CLIP1: variants seen among roughly 807,000 people sequenced by gnomAD.
CLIP1 encodes the protein CAP-Gly domain containing linker protein 1.
A neutral mutation model predicts 161.6 loss-of-function variants in CLIP1; 66 were observed. The observed-to-expected ratio is 0.41, with a 90% CI of 0.33 to 0.50. The LOEUF (loss-of-function observed/expected upper bound fraction) is 0.50. CLIP1 is among the 20% of genes least tolerant of loss of function. CLIP1 has a pLI of 0.27. For synonymous variants in CLIP1, 598 were observed against 626.2 expected, an observed-to-expected ratio of 0.96 and a Z score of 0.67; for missense variants, 1,376 against 1,702.0, an observed-to-expected ratio of 0.81 and a Z score of 3.37.
At chr12:122,378,454 C>T (rs1304607440) in intron 2 of CLIP1, among the ~76,000 whole-genome samples, 2 of 152,194 alleles carry the variant, frequency 1.3e-5, no homozygotes, top group African/African-American at 4.8e-5. Flanking sequence ...TGATCCTTCA[C>T]TACCATCTTC....
At chr12:122,305,663 G>A (rs1279259461) in intron 20 of CLIP1, among the ~76,000 whole-genome samples, 1 of 152,156 alleles carries the variant, frequency 6.6e-6, no homozygotes, top group Non-Finnish European at 1.5e-5. Context: ...GTATGTCTGT[G>A]AGGGTGTTGC....
intron 21 of CLIP1, 57 bp downstream of exon 21, chr12:122,288,432 T>C (rs1468618565): frequency 1.4e-6 from 2 of 1,446,382 alleles, no homozygotes; most frequent in South Asian, 1.2e-5. Flanking sequence ...ACCACACATA[T>C]CATGTTCTGA....
chr12:122,310,404 T>C (rs1951020915), intron 19 of CLIP1, among the ~76,000 whole-genome samples: 1 of 152,250 alleles, frequency 6.6e-6, no homozygotes, highest in South Asian at 2.1e-4. Flanking sequence ...AGTATATTTT[T>C]AGGACAACTA....
chr12:122,336,071 A>G (rs1184830712), intron 12 of CLIP1, among the ~76,000 whole-genome samples: 2 of 152,244 alleles, frequency 1.3e-5, no homozygotes, highest in Non-Finnish European at 2.9e-5. Context: ...AGTTGAGAAA[A>G]GGTAAAAAAT....
At chr12:122,394,053 GTC>G (rs1219211012) in intron 1 of CLIP1, among the ~76,000 whole-genome samples, 1 of 152,144 alleles carries the variant, frequency 6.6e-6, no homozygotes, top group East Asian at 1.9e-4. Flanking sequence ...AGGATGTGAT[GTC>G]TCTCTGACAC....
Position 122,362,639 on chromosome 12 carries a change from C to CAA in CLIP1, c.782+1342_782+1343dup, listed in dbSNP as rs56183812. Among the ~76,000 whole-genome samples the CAA allele has an allele frequency of 8.4e-4, 16 of 19,132 alleles. 2 individuals carry two copies. The highest frequency in any genetic ancestry group is 4.2e-3 in the African/African-American group (16 of 3,848). 12.6% of individuals were successfully genotyped at this position (19,132 alleles called of 152,430 possible). A position where few individuals can be genotyped will look rare whatever the true frequency, so the allele number is the denominator to read the frequency against. On this transcript the variant is annotated intron_variant, in intron 4 of 25. Transcript: ENST00000620786. Reference sequence around the variant, plus strand: ...CTGGCAACAGAGCAAGACTCCATCTCAAAAAAAAAAAAAAAAAAAAAAAAA... The same window carrying CAA: ...CTGGCAACAGAGCAAGACTCCATCTCAAAAAAAAAAAAAAAAAAAAAAAAAAA...
intron 17 of CLIP1, among the ~76,000 whole-genome samples, chr12:122,320,169 G>A (rs1307441282): frequency 6.6e-6 from 1 of 151,814 alleles, no homozygotes; most frequent in Non-Finnish European, 1.5e-5. Flanking sequence ...TTGGGAGGTG[G>A]GGCAGGAGAA....
rs779621726 is a variant in CLIP1 at position 122,336,714 on chromosome 12, T to A, written c.2486A>T (p.Glu829Val). The A allele has an allele frequency of 6.2e-7, 1 of 1,609,844 alleles. No homozygotes were observed. Among genetic ancestry groups the A allele is most frequent in the Non-Finnish European group, 8.5e-7 (1 of 1,177,162 alleles). ...SSITRELQGR[E>V]LKLTNLQENL... ...TTCCTGAAGGTTAGTAAGCTTTAGC[T>A]CTCTCCCCTGGAGCTCTCTGGTAAT... The change falls in exon 12 of 26, where the codon GAG (glutamate) becomes GTG (valine). Residue 829 changes from glutamate (E) to valine (V), a missense_variant. Glu to Val is a moderately radical substitution (Grantham distance 121). Around this residue, in one of 6 missense-constraint regions of CLIP1, gnomAD observed 948 missense variants for 1,134.8 expected, o/e 0.84. Transcript: ENST00000620786.
chr12:122,340,164 G>A (rs1005105165), intron 11 of CLIP1, among the ~76,000 whole-genome samples: 11 of 150,394 alleles, frequency 7.3e-5, no homozygotes, highest in Admixed American at 3.3e-4. Context: ...TGCAACCTCC[G>A]CCTCCCGGGT....
At chr12:122,422,131 G>A (rs1225546074) in intron 1 of CLIP1, among the ~76,000 whole-genome samples, 1 of 152,108 alleles carries the variant, frequency 6.6e-6, no homozygotes, top group Admixed American at 6.5e-5. Flanking sequence ...TCGGCCTCCC[G>A]GGGTCCGGCC....
rs937422446 is a variant in CLIP1, at chr12:122,377,426, T to G, written c.620A>C (p.Lys207Thr). Residue 207 changes from lysine to threonine, a missense_variant, in exon 3 of 26, where the codon AAA (lysine) becomes ACA (threonine). By Grantham distance (78) the Lys-to-Thr change is moderately conservative. Transcript: ENST00000620786. ...TCCGATTTTGAGCTCTCTTTCTCCTTTCTTGATTGAGCCAGCCTCTGAAAG... is the reference window on the plus strand; with the variant it reads ...TCCGATTTTGAGCTCTCTTTCTCCTGTCTTGATTGAGCCAGCCTCTGAAAG... The part of the protein sequence containing the change: ...SNLSEAGSIK[K>T]GERELKIGDR... 6.2e-7 allele frequency: 1 copy of G among 1,614,072 alleles called. No homozygotes were observed. Among genetic ancestry groups the G allele is most frequent in the African/African-American group, 1.3e-5 (1 of 75,022 alleles).
At chr12:122,408,986 ATTTT>A (rs1956429668) in intron 1 of CLIP1, among the ~76,000 whole-genome samples, 1 of 150,914 alleles carries the variant, frequency 6.6e-6, no homozygotes, top group South Asian at 2.1e-4. Context: ...TAATCTTTAT[ATTTT>A]TGTAGAGACA....
At chr12:122,294,164 T>A (rs1331903861) in intron 20 of CLIP1, among the ~76,000 whole-genome samples, 2 of 150,338 alleles carry the variant, frequency 1.3e-5, no homozygotes, top group Non-Finnish European at 3.0e-5. Context: ...CTGTCTCTAC[T>A]AAAAATACAA....
chr12:122,355,448 A>C lies in CLIP1; in HGVS notation c.1006-136T>G. On this transcript the variant is annotated intron_variant, in intron 5 of 25. Coordinates refer to ENST00000620786, the MANE Select transcript of CLIP1 (RefSeq NM_001247997.2). This position sits in a 1 kb window ranked among gnomAD's most constrained non-coding sequence, Gnocchi z 4.1. Reference sequence around the variant, plus strand: ...GCTGGCAGGCTGGCCAGGATTAGGAAAGGCTTCCTCAAAAACACAAGACAG... The same window carrying C: ...GCTGGCAGGCTGGCCAGGATTAGGACAGGCTTCCTCAAAAACACAAGACAG... The C allele has an allele frequency of 1.5e-6, 1 of 685,626 alleles. No homozygotes were observed. The highest frequency in any genetic ancestry group is 2.7e-5 in the East Asian group (1 of 36,970). The allele number at this position is 685,626 out of a possible 1,614,324, so 42.5% of individuals were successfully genotyped here.
intron 1 of CLIP1, among the ~76,000 whole-genome samples, chr12:122,411,818 A>G (rs1956544207): frequency 6.6e-6 from 1 of 152,140 alleles, no homozygotes; most frequent in Non-Finnish European, 1.5e-5. Context: ...TCTTCTGGGG[A>G]TGACAAAAAT....
chr12:122,403,869 A>G (rs1292056884), intron 1 of CLIP1, among the ~76,000 whole-genome samples: 1 of 152,102 alleles, frequency 6.6e-6, no homozygotes, highest in Non-Finnish European at 1.5e-5. Context: ...GAAACTTGTT[A>G]GTCTTCCGAA....
intron 20 of CLIP1, among the ~76,000 whole-genome samples, chr12:122,295,865 T>C (rs1041201301): frequency 2.0e-5 from 3 of 152,236 alleles, no homozygotes; most frequent in African/African-American, 4.8e-5. Context: ...TCTCTGTCTC[T>C]AGTAACAATT....
In CLIP1 at chr12:122,380,386, G is replaced by A. The variant is rs760191399; in HGVS notation, c.67C>T (p.Leu23=). The A allele has an allele frequency of 6.2e-7, 1 of 1,613,656 alleles. No individual in the cohort carries two copies. Among genetic ancestry groups the A allele is most frequent in the Non-Finnish European group, 8.5e-7 (1 of 1,179,686 alleles). ...TKILKPGSTA[L]KTPTAVVAPV... is the part of the protein sequence containing the mutation. ...GTATTACCAGCCGTAGGTGTCTTCA[G>A]AGCTGTGCTTCCAGGCTTCAGGATC... Residue 23 remains leucine (L), a synonymous_variant, in exon 2 of 26, where the codon CTG becomes TTG. Coordinates refer to ENST00000620786, the MANE Select transcript of CLIP1 (RefSeq NM_001247997.2).
rs916101283 is a variant in CLIP1, at chr12:122,311,799, A to G, written c.3474-1917T>C. 7.9e-5 allele frequency among the ~76,000 whole-genome samples: 12 copies of G among 152,206 alleles called. No individual in the cohort carries two copies. The highest frequency in any genetic ancestry group is 2.9e-4 in the African/African-American group (12 of 41,434). ...TAATCCTCAAAGCCCAAGGAGGCTC[A>G]TGTCATTTATGTTTTAATGAGAAGA... On this transcript the variant is annotated intron_variant, in intron 19 of 25. Coordinates refer to ENST00000620786, the MANE Select transcript of CLIP1 (RefSeq NM_001247997.2). This position sits in a 1 kb window ranked among gnomAD's most constrained non-coding sequence, Gnocchi z 4.3.
Sources: allele counts gnomAD v4.1 joint callset (sites outside exome capture counted in the v4.1 genomes callset), GRCh38; gene constraint gnomAD v4.1.1; regional missense constraint gnomAD v4.1.1; non-coding constraint Gnocchi (gnomAD v3.1); transcripts MANE v1.5; gene names NCBI Gene and HGNC (gene_info 2026-07-23, HGNC 2026-07-21).